Variants in TAFA4 observed in about 807,000 individuals in gnomAD.
TAFA4 encodes the protein chemokine-like protein TAFA-4.
In TAFA4, 20 loss-of-function variants were observed where a neutral mutation model predicts 21.1. The observed-to-expected ratio is 0.95, with a 90% confidence interval of 0.67 to 1.38. The LOEUF is 1.38. Among genes scored for constraint, TAFA4 ranks in the 40% most tolerant of loss-of-function variants. The pLI is 0.00. For missense variants in TAFA4, 211 were observed against 180.9 expected, an observed-to-expected ratio of 1.17 and a Z score of -0.95; for synonymous variants, 71 against 67.4, an observed-to-expected ratio of 1.05 and a Z score of -0.26.
intron 1 of TAFA4, among the ~76,000 whole-genome samples, chr3:68,913,148 A>T (rs2089975330): frequency 6.6e-6 from 1 of 152,242 alleles, no homozygotes; most frequent in Non-Finnish European, 1.5e-5. Context: ...AAAATAAATA[A>T]TGAATGCAAT....
chr3:68,798,651 A>AGCTT (rs1322400836), intron 3 of TAFA4, among the ~76,000 whole-genome samples: 1 of 152,234 alleles, frequency 6.6e-6, no homozygotes, highest in African/African-American at 2.4e-5. Context: ...TGTGAATAAC[A>AGCTT]GCTTGGGATA....
At chr3:68,832,396 C>T (rs1291337290) in intron 3 of TAFA4, among the ~76,000 whole-genome samples, 2 of 152,148 alleles carry the variant, frequency 1.3e-5, no homozygotes, top group Non-Finnish European at 2.9e-5. Flanking sequence ...GATGTTGATG[C>T]TACTCCTTTC....
At chr3:68,812,323 A>G (rs941741651) in intron 3 of TAFA4, among the ~76,000 whole-genome samples, 1 of 152,220 alleles carries the variant, frequency 6.6e-6, no homozygotes, top group South Asian at 2.1e-4. Context: ...CACACATAAC[A>G]ATATTAACCT....
chr3:68,761,931 C>T (rs1045236102), intron 3 of TAFA4, among the ~76,000 whole-genome samples: 3 of 152,068 alleles, frequency 2.0e-5, no homozygotes, highest in Admixed American at 6.6e-5. Flanking sequence ...AGAATGGAGT[C>T]GTCCCTTAAA....
intron 3 of TAFA4, among the ~76,000 whole-genome samples, chr3:68,761,607 G>A (rs933870365): frequency 1.3e-5 from 2 of 152,196 alleles, no homozygotes; most frequent in Admixed American, 1.3e-4. Context: ...TGGGCCCCAT[G>A]GATCATTATA....
intron 3 of TAFA4, among the ~76,000 whole-genome samples, chr3:68,829,748 G>C (rs1164071001): frequency 6.6e-6 from 1 of 152,166 alleles, no homozygotes; most frequent in Admixed American, 6.5e-5. Flanking sequence ...GATTGAAATA[G>C]TTTCACAAGG....
Position 68,880,734 on chromosome 3 carries a change from A to T in TAFA4, c.126T>A (p.His42Gln). Residue 42 changes from histidine (H) to glutamine (Q), a missense_variant, in exon 3 of 6, where the codon CAT (histidine) becomes CAA (glutamine). Transcript: ENST00000295569. ...TAATGAGCTTAAAGGGCTTACCTGC[A>T]TGTCCCCGGAGGTGCTGGCTTGAGG... ...MSASSQHLRG[H>Q]AGHHQIKQGT... 1.2e-6 allele frequency: 2 copies of T among 1,613,898 alleles called. No homozygotes were observed. The highest frequency in any genetic ancestry group is 8.5e-7 in the Non-Finnish European group (1 of 1,179,872).
At chr3:68,818,069 C>A (rs1222973788) in intron 3 of TAFA4, among the ~76,000 whole-genome samples, 1 of 152,200 alleles carries the variant, frequency 6.6e-6, no homozygotes, top group Non-Finnish European at 1.5e-5. Context: ...CCTTGAAAAT[C>A]TATTGTGTAG....
At position 68,873,111 on chromosome 3, in the gene TAFA4, T is replaced by C. The variant is rs189238011; in HGVS notation, c.130+7619A>G. Among the ~76,000 whole-genome samples, 332 of 152,076 alleles carry C rather than the reference T, an allele frequency of 2.2e-3. 3 individuals are homozygous for C. Among genetic ancestry groups the C allele is most frequent in the African/African-American group, 7.6e-3 (317 of 41,490 alleles). ...AAAATTAGTAGGGTTCAAACTTAGGTCTCAGTGACTTATAGAAACAATCCA... is the reference window on the plus strand; with the variant it reads ...AAAATTAGTAGGGTTCAAACTTAGGCCTCAGTGACTTATAGAAACAATCCA... On this transcript the variant is annotated intron_variant, in intron 3 of 5. Coordinates refer to ENST00000295569, the MANE Select transcript of TAFA4 (RefSeq NM_182522.5).
chr3:68,848,267 G>T (rs1356024312), intron 3 of TAFA4, among the ~76,000 whole-genome samples: 2 of 152,162 alleles, frequency 1.3e-5, no homozygotes, highest in East Asian at 3.9e-4. Flanking sequence ...AAATTAACCT[G>T]TCCAGCATTT....
chr3:68,758,672 T>C (rs1559761211), intron 3 of TAFA4, among the ~76,000 whole-genome samples: 1 of 152,216 alleles, frequency 6.6e-6, no homozygotes, highest in East Asian at 1.9e-4. Context: ...GATCTTTGAA[T>C]AAGGATATAT....
chr3:68,741,050 AGCTTTGTAATATAATTGGAATCGG>A (rs1352432944), intron 4 of TAFA4, among the ~76,000 whole-genome samples: 5 of 152,164 alleles, frequency 3.3e-5, no homozygotes, highest in Non-Finnish European at 7.4e-5. Context: ...TGGTAACTAT[AGCTTTGTAATATAATTGGAATCGG>A]GCTGTGTGCC....
At chr3:68,929,811 C>T (rs1348604406) in intron 1 of TAFA4, among the ~76,000 whole-genome samples, 6 of 152,328 alleles carry the variant, frequency 3.9e-5, no homozygotes, top group African/African-American at 1.2e-4. Context: ...GGGCAGCTAA[C>T]GGAGAGTTAG....
At chr3:68,906,189 G>A (rs1452205082) in intron 1 of TAFA4, among the ~76,000 whole-genome samples, 1 of 152,216 alleles carries the variant, frequency 6.6e-6, no homozygotes, top group African/African-American at 2.4e-5. Flanking sequence ...TCCTCAAAAT[G>A]GCAAAGCTGG....
intron 2 of TAFA4, among the ~76,000 whole-genome samples, chr3:68,881,837 T>A (rs1470146429): frequency 6.6e-6 from 1 of 152,128 alleles, no homozygotes; most frequent in Non-Finnish European, 1.5e-5. Context: ...GGAAGTCCTA[T>A]AAGGAAGCAT....
chr3:68,922,292 T>C (rs1276092007), intron 1 of TAFA4, among the ~76,000 whole-genome samples: 1 of 152,124 alleles, frequency 6.6e-6, no homozygotes, highest in East Asian at 1.9e-4. Flanking sequence ...CACAAACTCT[T>C]GAGGTGAGGC....
chr3:68,757,940 C>T (rs2106761210), intron 3 of TAFA4, among the ~76,000 whole-genome samples: 1 of 151,786 alleles, frequency 6.6e-6, no homozygotes, highest in South Asian at 2.1e-4. Context: ...TTTTTTGTTA[C>T]AAATATCCTG....
At chr3:68,896,995 C>T (rs905139514) in intron 1 of TAFA4, among the ~76,000 whole-genome samples, 3 of 152,166 alleles carry the variant, frequency 2.0e-5, no homozygotes, top group East Asian at 1.9e-4. Flanking sequence ...CCTCCGCCTC[C>T]GGGTTTAAGT....
At chr3:68,846,268 C>T (rs1453537165) in intron 3 of TAFA4, among the ~76,000 whole-genome samples, 1 of 151,764 alleles carries the variant, frequency 6.6e-6, no homozygotes, top group Admixed American at 6.6e-5. Flanking sequence ...TTAAGTTGAT[C>T]TTCAATCTCT....
Sources: gnomAD v4.1 joint callset for allele counts (sites outside exome capture counted in the v4.1 genomes callset) on GRCh38, gnomAD v4.1.1 for gene constraint, MANE v1.5 for transcripts, NCBI Gene and HGNC (gene_info 2026-07-23, HGNC 2026-07-21) for gene names.